Variants in TMEM163 observed in about 807,000 individuals in gnomAD.
TMEM163 encodes the protein transmembrane protein 163.
TMEM163 carries 17 observed loss-of-function variants against 29.3 expected under a neutral mutation model. The ratio of observed to expected loss-of-function variants is 0.58; its 90% CI spans 0.40 to 0.87. The LOEUF (loss-of-function observed/expected upper bound fraction) is 0.87, where lower values mean the gene tolerates loss of function less well. TMEM163 is among the 40% of genes least tolerant of loss of function. The pLI, the probability that TMEM163 is intolerant of heterozygous loss-of-function variation, is 0.00. For missense variants in TMEM163, 303 were observed against 381.5 expected (o/e 0.79, Z 1.71); for synonymous variants, 157 against 160.6 (o/e 0.98, Z 0.17).
At chr2:134,626,918 G>A (rs76269779) in intron 2 of TMEM163, among the ~76,000 whole-genome samples, 2,370 of 152,196 alleles carry the variant, frequency 0.016, 52 homozygotes, top group African/African-American at 0.054. Context: ...CTGAGCACAC[G>A]TTTAAGCCTC....
At chr2:134,534,837 T>C (rs1458853243) in intron 4 of TMEM163, among the ~76,000 whole-genome samples, 1 of 152,238 alleles carries the variant, frequency 6.6e-6, no homozygotes, top group Admixed American at 6.5e-5. Context: ...TGTGACCACC[T>C]GTCCTGAGTC....
intron 2 of TMEM163, among the ~76,000 whole-genome samples, chr2:134,570,048 C>A (rs1054326906): frequency 2.0e-5 from 3 of 152,112 alleles, no homozygotes; most frequent in Admixed American, 2.0e-4. Flanking sequence ...CCTTAATTTA[C>A]TTCATAGTGG....
intron 2 of TMEM163, among the ~76,000 whole-genome samples, chr2:134,587,584 G>T (rs913684945): frequency 2.0e-5 from 3 of 152,114 alleles, no homozygotes; most frequent in African/African-American, 7.2e-5. Flanking sequence ...CCAGACACGT[G>T]GTTCAATCAC....
chr2:134,680,898 A>G (rs1684216169), intron 2 of TMEM163, among the ~76,000 whole-genome samples: 1 of 152,176 alleles, frequency 6.6e-6, no homozygotes, highest in Admixed American at 6.5e-5. Flanking sequence ...GAATTACACA[A>G]AAGCACATGA....
chr2:134,510,114 A>AC (rs1679914790), intron 4 of TMEM163, among the ~76,000 whole-genome samples: 1 of 152,172 alleles, frequency 6.6e-6, no homozygotes, highest in African/African-American at 2.4e-5. Flanking sequence ...TGGTACACAT[A>AC]ACGGATCTTA....
intron 5 of TMEM163, among the ~76,000 whole-genome samples, chr2:134,477,238 C>A (rs187904414): frequency 6.4e-4 from 98 of 152,278 alleles, no homozygotes; most frequent in African/African-American, 2.2e-3. Context: ...GGGTGAATTT[C>A]TAGGGAGATA....
chr2:134,687,300 A>C (rs1212600583), intron 2 of TMEM163, among the ~76,000 whole-genome samples: 2 of 152,204 alleles, frequency 1.3e-5, no homozygotes, highest in Non-Finnish European at 2.9e-5. Flanking sequence ...TGTTGGGAAG[A>C]GTTGCTTCTC....
At chr2:134,604,702 C>T (rs1393830973) in intron 2 of TMEM163, among the ~76,000 whole-genome samples, 1 of 152,176 alleles carries the variant, frequency 6.6e-6, no homozygotes, top group Non-Finnish European at 1.5e-5. Context: ...AAAACCTCCA[C>T]ACATCAATAA....
intron 2 of TMEM163, among the ~76,000 whole-genome samples, chr2:134,594,770 C>T (rs965755734): frequency 2.0e-5 from 3 of 151,950 alleles, no homozygotes; most frequent in African/African-American, 7.3e-5. Context: ...GCTTGGTGCC[C>T]AATTCTCTGA....
chr2:134,480,058 A>G (rs749239346), intron 5 of TMEM163, among the ~76,000 whole-genome samples: 4 of 152,184 alleles, frequency 2.6e-5, no homozygotes, highest in Non-Finnish European at 5.9e-5. Flanking sequence ...CCCCATACGC[A>G]GTCTTGCAAA....
intron 2 of TMEM163, among the ~76,000 whole-genome samples, chr2:134,598,851 T>TG (rs1214203628): frequency 1.1e-4 from 16 of 146,970 alleles, no homozygotes; most frequent in African/African-American, 2.3e-4. Context: ...ACCTGGGAGG[T>TG]GGGGGGTTGC....
intron 2 of TMEM163, among the ~76,000 whole-genome samples, chr2:134,646,130 G>T (rs1683330930): frequency 6.6e-6 from 1 of 151,558 alleles, no homozygotes; most frequent in African/African-American, 2.4e-5. Context: ...TGTCACCCAG[G>T]CTAGAGTGCA....
chr2:134,693,450 T>C (rs1352281556), intron 2 of TMEM163, among the ~76,000 whole-genome samples: 1 of 151,202 alleles, frequency 6.6e-6, no homozygotes, highest in African/African-American at 2.4e-5. Flanking sequence ...CTACTAAAAA[T>C]AGAAAAAAAT....
At chr2:134,662,178 G>A (rs1349353798) in intron 2 of TMEM163, among the ~76,000 whole-genome samples, 9 of 151,824 alleles carry the variant, frequency 5.9e-5, no homozygotes, top group East Asian at 1.9e-4. Context: ...CTCGTGATCC[G>A]CCCGCCTCAG....
At chr2:134,550,365 A>G (rs1680886187) in intron 4 of TMEM163, among the ~76,000 whole-genome samples, 2 of 152,318 alleles carry the variant, frequency 1.3e-5, no homozygotes, top group Admixed American at 6.5e-5. Context: ...AGAGAAAATT[A>G]TAAAGGTACA....
intron 2 of TMEM163, among the ~76,000 whole-genome samples, chr2:134,661,116 C>T (rs1342031770): frequency 1.3e-5 from 2 of 151,746 alleles, no homozygotes; most frequent in African/African-American, 2.4e-5. Context: ...CACATGCTTA[C>T]GTACTCTCTC....
At chr2:134,681,666 C>G (rs73958789) in intron 2 of TMEM163, among the ~76,000 whole-genome samples, 1,933 of 152,278 alleles carry the variant, frequency 0.013, 35 homozygotes, top group African/African-American at 0.042. Context: ...CTCCAGGAGA[C>G]AGTATACTCT....
At chr2:134,718,159 T>C (rs765149021) in intron 1 of TMEM163, among the ~76,000 whole-genome samples, 1 of 152,196 alleles carries the variant, frequency 6.6e-6, no homozygotes, top group African/African-American at 2.4e-5. Context: ...GTGACCCGCG[T>C]CCGCGATTAG....
chr2:134,708,098 G>A (rs1282025225), intron 2 of TMEM163, among the ~76,000 whole-genome samples: 1 of 152,098 alleles, frequency 6.6e-6, no homozygotes, highest in African/African-American at 2.4e-5. Context: ...CGTTGGCCAG[G>A]CTGGTCTCAA....
Sources: allele counts gnomAD v4.1 joint callset (sites outside exome capture counted in the v4.1 genomes callset), GRCh38; gene constraint gnomAD v4.1.1; transcripts MANE v1.5; gene names NCBI Gene and HGNC (gene_info 2026-07-23, HGNC 2026-07-21).